LINGO1: variants seen among roughly 807,000 people sequenced by gnomAD.
LINGO1 encodes leucine rich repeat and Ig domain containing 1, also known as leucine-rich repeat and immunoglobulin-like domain-containing nogo receptor-interacting protein 1.
LINGO1 carries 11 observed loss-of-function variants against 37.3 expected under a neutral mutation model. The ratio of observed to expected loss-of-function variants is 0.29; its 90% CI spans 0.19 to 0.49. LINGO1 has a LOEUF of 0.49. LINGO1 is among the 20% of genes least tolerant of loss of function. The pLI, the probability that LINGO1 is intolerant of heterozygous loss-of-function variation, is 0.99. For missense variants in LINGO1, 585 were observed against 878.2 expected, an observed-to-expected ratio of 0.67 and a Z score of 4.22; for synonymous variants, 387 against 403.0, an observed-to-expected ratio of 0.96 and a Z score of 0.48.
intron 1 of LINGO1, among the ~76,000 whole-genome samples, chr15:77,777,630 CAG>C (rs1330214182): frequency 1.3e-5 from 2 of 152,122 alleles, no homozygotes; most frequent in South Asian, 2.1e-4. Flanking sequence ...ATTTTATAAA[CAG>C]AAATTTATTC....
rs200463885 is a variant in LINGO1 at position 77,615,398 on chromosome 15, T to C, written c.509A>G (p.Lys170Arg). The stretch of plus-strand genomic sequence containing the variant: ...GTCATTGTCGCCAACCTCCAGTGAC[T>C]TGAGGTTGTACAGGTCCTGAAACAT... ...DYMFQDLYNLKSLEVGDNDLV... is the reference protein window; with the variant it reads ...DYMFQDLYNLRSLEVGDNDLV... Residue 170 changes from lysine to arginine, a missense_variant, in exon 2 of 2, where the codon AAG (lysine) becomes AGG (arginine). Transcript: ENST00000355300. The C allele has an allele frequency of 1.7e-5, 27 of 1,613,992 alleles. No individual in the cohort carries two copies. The African/African-American group carries it at 3.5e-4, about 21-fold the overall frequency.
intron 1 of LINGO1, among the ~76,000 whole-genome samples, chr15:77,629,383 C>G (rs775448129): frequency 6.6e-6 from 1 of 152,020 alleles, no homozygotes; most frequent in Non-Finnish European, 1.5e-5. Flanking sequence ...AATGAACCTG[C>G]CTTCTCACAC....
Position 77,615,620 on chromosome 15 carries a change from T to C in LINGO1, c.287A>G (p.His96Arg). 1.2e-6 allele frequency: 2 copies of C among 1,611,960 alleles called. No homozygotes were observed. The highest frequency in any genetic ancestry group is 1.7e-6 in the Non-Finnish European group (2 of 1,179,194). ...CTCGTTGAGCTCCAGCTCCTCCAGG[T>C]GCGGGAAGCTGGCGAACTCGTCCTG... ...LNQDEFASFP[H>R]LEELELNENI... Residue 96 changes from histidine (H) to arginine (R), a missense_variant, in exon 2 of 2, where the codon CAC (histidine) becomes CGC (arginine). Physicochemically the swap from His to Arg is conservative, Grantham distance 29 (BLOSUM62 0). This residue lies in a region of LINGO1 where 484 missense variants were observed against 735.0 expected (regional missense o/e 0.66). Transcript: ENST00000355300.
At chr15:77,733,603 G>A (rs886143948) in intron 2 of LINGO1, among the ~76,000 whole-genome samples, 4 of 152,146 alleles carry the variant, frequency 2.6e-5, no homozygotes, top group African/African-American at 9.7e-5. Flanking sequence ...CCTACCTCGC[G>A]ACCGAGGCCT....
At chr15:77,813,778 G>A (rs2077026179) in intron 1 of LINGO1, among the ~76,000 whole-genome samples, 1 of 152,206 alleles carries the variant, frequency 6.6e-6, no homozygotes, top group Non-Finnish European at 1.5e-5. Flanking sequence ...AGGCAGGCAG[G>A]GAGATCATTT....
At chr15:77,635,653 G>A (rs1003137270), upstream of LINGO1, among the ~76,000 whole-genome samples, 16 of 152,198 alleles carry the variant, frequency 1.1e-4, no homozygotes, top group Non-Finnish European at 1.6e-4. Flanking sequence ...CCCTGGTGGC[G>A]TGCCTTTTCC....
chr15:77,739,381 A>T (rs1040623056), intron 1 of LINGO1, among the ~76,000 whole-genome samples: 46 of 152,232 alleles, frequency 3.0e-4, no homozygotes, highest in Non-Finnish European at 4.4e-5. Flanking sequence ...CTTTTAAAAA[A>T]TTTAAAAGGG....
chr15:77,656,031 G>T (rs895847883), intron 3 of LINGO1, among the ~76,000 whole-genome samples: 1 of 152,258 alleles, frequency 6.6e-6, no homozygotes, highest in East Asian at 1.9e-4. Flanking sequence ...AGCAGGGTCT[G>T]CGTCCTCTAC....
chr15:77,771,163 T>A (rs962262498), intron 1 of LINGO1, among the ~76,000 whole-genome samples: 5 of 152,220 alleles, frequency 3.3e-5, no homozygotes, highest in African/African-American at 1.2e-4. Context: ...CCTCCCGACC[T>A]TCCCCTGGAC....
chr15:77,744,811 C>A (rs1374745475), intron 1 of LINGO1, among the ~76,000 whole-genome samples: 1 of 152,192 alleles, frequency 6.6e-6, no homozygotes, highest in Non-Finnish European at 1.5e-5. Flanking sequence ...AACCACTGCA[C>A]CTTGCTTAAG....
intron 2 of LINGO1, among the ~76,000 whole-genome samples, chr15:77,703,510 T>G (rs2075810958): frequency 6.6e-6 from 1 of 152,198 alleles, no homozygotes; most frequent in African/African-American, 2.4e-5. Flanking sequence ...GAACCTCATC[T>G]GCAACATAAG....
intron 2 of LINGO1, among the ~76,000 whole-genome samples, chr15:77,689,572 A>C (rs1268544840): frequency 6.6e-6 from 1 of 152,204 alleles, no homozygotes; most frequent in African/African-American, 2.4e-5. Context: ...ACTGATTGAT[A>C]CAGGGGCCCA....
At chr15:77,636,232 C>G (rs534648172), upstream of LINGO1, among the ~76,000 whole-genome samples, 1,573 of 152,194 alleles carry the variant, frequency 0.01, 12 homozygotes, top group Middle Eastern at 0.017. Flanking sequence ...GGAGCTGGGG[C>G]AAGGACCAAG....
chr15:77,819,825 C>A (rs1596259603), intron 1 of LINGO1, among the ~76,000 whole-genome samples: 3 of 151,506 alleles, frequency 2.0e-5, no homozygotes, highest in Non-Finnish European at 4.4e-5. Flanking sequence ...CAGGTGCCGA[C>A]TCGGGCTTCT....
At chr15:77,705,172 A>C (rs1433829984) in intron 2 of LINGO1, among the ~76,000 whole-genome samples, 4 of 44,228 alleles carry the variant, frequency 9.0e-5, no homozygotes, top group Non-Finnish European at 1.8e-4. Flanking sequence ...TCCCCCTGCC[A>C]TGACACACAC....
At chr15:77,710,378 C>T (rs2075904021) in intron 2 of LINGO1, among the ~76,000 whole-genome samples, 1 of 152,208 alleles carries the variant, frequency 6.6e-6, no homozygotes. Context: ...CCTGGTGGGA[C>T]TTGTCCAGCA....
intron 3 of LINGO1, among the ~76,000 whole-genome samples, chr15:77,664,164 T>TGCGCGCGCGCGC (rs1161696784): frequency 4.9e-4 from 53 of 107,968 alleles, no homozygotes; most frequent in South Asian, 1.0e-3. Context: ...TGTGTGTGTG[T>TGCGCGCGCGCGC]GTGTGTGCGC....
intron 1 of LINGO1, among the ~76,000 whole-genome samples, chr15:77,743,008 G>A (rs1043638322): frequency 6.6e-6 from 1 of 152,192 alleles, no homozygotes; most frequent in African/African-American, 2.4e-5. Context: ...GGTGCACAGG[G>A]CCCCCAGCCC....
At chr15:77,648,305 G>C (rs1282100602) in intron 3 of LINGO1, 1 of 173,904 alleles carries the variant, frequency 5.8e-6, no homozygotes, top group Non-Finnish European at 1.2e-5. Context: ...ACATTGTACA[G>C]AGGGGAAAAC....
Sources: gnomAD v4.1 joint callset for allele counts (sites outside exome capture counted in the v4.1 genomes callset) on GRCh38, gnomAD v4.1.1 for gene constraint, gnomAD v4.1.1 regional missense constraint, MANE v1.5 for transcripts, NCBI Gene and HGNC (gene_info 2026-07-23, HGNC 2026-07-21) for gene names.